Variants in TMEM130 observed in about 807,000 individuals in gnomAD.
TMEM130 encodes the protein transmembrane protein 130.
A neutral mutation model predicts 42.9 loss-of-function variants in TMEM130; 37 were observed. That is an observed-to-expected ratio of 0.86 (90% CI 0.66 to 1.13). The LOEUF is 1.13. TMEM130 is among the 50% of genes most tolerant of loss of function. TMEM130 has a pLI of 0.00. For missense variants in TMEM130, 545 were observed against 562.6 expected (o/e 0.97, Z 0.32); for synonymous variants, 259 against 237.7 (o/e 1.09, Z -0.82).
At chr7:98,857,250 G>C (rs1185773845) in intron 3 of TMEM130, among the ~76,000 whole-genome samples, 1 of 152,132 alleles carries the variant, frequency 6.6e-6, no homozygotes, top group East Asian at 1.9e-4. Flanking sequence ...TCCTAAGTAA[G>C]TTAGAACTTT....
chr7:98,854,664 G>A (rs2116084297), intron 5 of TMEM130, among the ~76,000 whole-genome samples: 1 of 152,328 alleles, frequency 6.6e-6, no homozygotes, highest in East Asian at 1.9e-4. Context: ...TTAAGCCCAG[G>A]AGGTCAAGGC....
intron 5 of TMEM130, among the ~76,000 whole-genome samples, chr7:98,854,198 C>T (rs1477322476): frequency 3.3e-5 from 5 of 151,958 alleles, no homozygotes; most frequent in East Asian, 3.9e-4. Flanking sequence ...TCACAGCACC[C>T]GGCCTCAGAA....
In TMEM130 at chr7:98,847,869, G is replaced by C; in HGVS notation, c.*187C>G. The C allele has an allele frequency of 1.7e-6, 1 of 592,242 alleles. No homozygotes were observed. The highest frequency in any genetic ancestry group is 3.0e-6 in the Non-Finnish European group (1 of 335,570). 36.7% of individuals were successfully genotyped at this position (592,242 alleles called of 1,614,324 possible). On this transcript the variant is annotated 3_prime_UTR_variant, in exon 8 of 8. Transcript: ENST00000339375. ...GGCTGGACTGTACAGATGGGTGAATGGCTGGGGTCAGGGGTGACAGAGAGG... is the reference window on the plus strand; with the variant it reads ...GGCTGGACTGTACAGATGGGTGAATCGCTGGGGTCAGGGGTGACAGAGAGG...
chr7:98,865,400 G>C (rs1228231962), intron 1 of TMEM130, among the ~76,000 whole-genome samples: 2 of 152,138 alleles, frequency 1.3e-5, no homozygotes, highest in African/African-American at 4.8e-5. Context: ...CTGAGGTCAG[G>C]AGTTCCAGAT....
At position 98,869,502 on chromosome 7, in the gene TMEM130, CGCGCGGTTTCCAGGG is replaced by C; in HGVS notation, c.85+260_85+274del. 1.4e-6 allele frequency: 1 copy of C among 736,274 alleles called. No homozygotes were observed. Among genetic ancestry groups the C allele is most frequent in the Non-Finnish European group, 1.7e-6 (1 of 602,036 alleles). The allele number at this position is 736,274 out of a possible 1,614,324, so 45.6% of individuals were successfully genotyped here. ...CATCGACGGATGCGCCGGCCACCCC[CGCGCGGTTTCCAGGG>C]CAGGGCCAGCCTGGGGGGGTGGAAG... On this transcript the variant is annotated intron_variant, in intron 1 of 7. Coordinates refer to ENST00000339375, the MANE Select transcript of TMEM130 (RefSeq NM_152913.3). The surrounding 1 kb of genome is among the most constrained non-coding windows in gnomAD (Gnocchi z 4.7).
intron 5 of TMEM130, among the ~76,000 whole-genome samples, chr7:98,852,664 C>T (rs1317307483): frequency 4.0e-5 from 6 of 151,870 alleles, no homozygotes; most frequent in South Asian, 2.1e-4. Flanking sequence ...GTGCGATCTC[C>T]GCTCACTGCA....
At position 98,869,441 on chromosome 7, in the gene TMEM130, G is replaced by T; in HGVS notation, c.85+336C>A. 2 of 1,218,208 alleles carry T rather than the reference G, an allele frequency of 1.6e-6. No individual in the cohort carries two copies. The highest frequency in any genetic ancestry group is 1.7e-5 in the South Asian group (1 of 60,096). The allele number at this position is 1,218,208 out of a possible 1,614,324, so 75.5% of individuals were successfully genotyped here. On this transcript the variant is annotated intron_variant, in intron 1 of 7. Coordinates refer to ENST00000339375, the MANE Select transcript of TMEM130 (RefSeq NM_152913.3). This position sits in a 1 kb window ranked among gnomAD's most constrained non-coding sequence, Gnocchi z 4.7. ...TGGCGCATCCCCGCCTCCCTGCCTC[G>T]TCCTCCCCTCCCTTAGCGGGTGCAT... is the stretch of plus-strand genomic sequence containing the variant.
In TMEM130 at chr7:98,869,512, C is replaced by A. The variant is rs955136837; in HGVS notation, c.85+265G>T. Among the ~76,000 whole-genome samples the A allele has an allele frequency of 6.6e-6, 1 of 152,220 alleles. No homozygotes were observed. The highest frequency in any genetic ancestry group is 1.5e-5 in the Non-Finnish European group (1 of 68,032). ...TGCGCCGGCCACCCCCGCGCGGTTT[C>A]CAGGGCAGGGCCAGCCTGGGGGGGT... is the stretch of plus-strand genomic sequence containing the variant. On this transcript the variant is annotated intron_variant, in intron 1 of 7. Coordinates refer to ENST00000339375, the MANE Select transcript of TMEM130 (RefSeq NM_152913.3). This position sits in a 1 kb window ranked among gnomAD's most constrained non-coding sequence, Gnocchi z 4.7.
chr7:98,862,047 C>T (rs1307049115), intron 2 of TMEM130, among the ~76,000 whole-genome samples: 1 of 152,108 alleles, frequency 6.6e-6, no homozygotes, highest in African/African-American at 2.4e-5. Context: ...TTATATTTAG[C>T]CAATCTCCTC....
At chr7:98,852,709 C>G (rs1794539979) in intron 5 of TMEM130, among the ~76,000 whole-genome samples, 1 of 152,138 alleles carries the variant, frequency 6.6e-6, no homozygotes, top group Non-Finnish European at 1.5e-5. Flanking sequence ...AGTCTTCCAC[C>G]TCAGCCTCCC....
Position 98,847,360 on chromosome 7 carries a change from G to A in TMEM130, c.*696C>T, listed in dbSNP as rs1554397443. On this transcript the variant is annotated 3_prime_UTR_variant, in exon 8 of 8. Coordinates refer to ENST00000339375, the MANE Select transcript of TMEM130 (RefSeq NM_152913.3). Reference sequence around the variant, plus strand: ...GAACTGCAGAGACAAAGCACAAAGGGAGGGCCCGGGCCCAGAACCTGTCAG... The same window carrying A: ...GAACTGCAGAGACAAAGCACAAAGGAAGGGCCCGGGCCCAGAACCTGTCAG... 2 of 152,262 alleles carry A rather than the reference G, an allele frequency of 1.3e-5. No homozygotes were observed. The allele number at this position is 152,262 out of a possible 1,614,324, so 9.4% of individuals were successfully genotyped here.
chr7:98,863,627 C>T (rs1480948576), intron 1 of TMEM130, among the ~76,000 whole-genome samples: 1 of 145,018 alleles, frequency 6.9e-6, no homozygotes, highest in African/African-American at 2.7e-5. Context: ...CCTTCCTTCC[C>T]TCCCTCCCTC....
At chr7:98,860,874 C>T (rs781949300) in intron 2 of TMEM130, among the ~76,000 whole-genome samples, 26 of 133,828 alleles carry the variant, frequency 1.9e-4, no homozygotes, top group Middle Eastern at 4.7e-3. Context: ...ACCTGGGAGG[C>T]GGAGGTTGCA....
At chr7:98,852,240 G>T (rs1205556300) in intron 5 of TMEM130, among the ~76,000 whole-genome samples, 1 of 151,294 alleles carries the variant, frequency 6.6e-6, no homozygotes, top group Non-Finnish European at 1.5e-5. Context: ...TCCCGGGTTC[G>T]AGCCTCAGCC....
At position 98,869,336 on chromosome 7, in the gene TMEM130, G is replaced by A. The variant is rs1584249006; in HGVS notation, c.85+441C>T. ...AACACGGTGGGAAACCCCTCTAGAT[G>A]AGGCGACATTTTAAGGCAAAAACGT... On this transcript the variant is annotated intron_variant, in intron 1 of 7. Coordinates refer to ENST00000339375, the MANE Select transcript of TMEM130 (RefSeq NM_152913.3). This position sits in a 1 kb window ranked among gnomAD's most constrained non-coding sequence, Gnocchi z 4.7. The A allele has an allele frequency of 1.6e-6, 2 of 1,250,190 alleles. No individual in the cohort carries two copies. The highest frequency in any genetic ancestry group is 1.0e-6 in the Non-Finnish European group (1 of 973,026). The allele number at this position is 1,250,190 out of a possible 1,614,324, so 77.4% of individuals were successfully genotyped here. A position where few individuals can be genotyped will look rare whatever the true frequency, so the allele number is the denominator to read the frequency against.
chr7:98,853,206 A>C (rs1175665216), intron 5 of TMEM130, among the ~76,000 whole-genome samples: 1 of 152,042 alleles, frequency 6.6e-6, no homozygotes, highest in Admixed American at 6.6e-5. Context: ...CTGCCTCCAA[A>C]GCCCCGTGAA....
At position 98,851,504 on chromosome 7, in the gene TMEM130, G is replaced by A; in HGVS notation, c.923C>T (p.Pro308Leu). 1 of 1,614,128 alleles carries A rather than the reference G, an allele frequency of 6.2e-7. No individual in the cohort carries two copies. The highest frequency in any genetic ancestry group is 8.5e-7 in the Non-Finnish European group (1 of 1,180,036). ...AYNLTHTFRD[P>L]GDYCFSIRAE... ...CCGGATGCTGAAGCAGTAGTCCCCA[G>A]GGTCCCTGAAGGTGTGGGTCAGGTT... The change falls in exon 6 of 8, where the codon CCT becomes CTT. Residue 308 changes from proline to leucine, a missense_variant. Physicochemically the swap from Pro to Leu is moderately conservative, Grantham distance 98. Transcript: ENST00000339375.
chr7:98,856,224 C>A (rs372402427), intron 3 of TMEM130, 41 bp from the exon 4 acceptor site: 3 of 1,592,468 alleles, frequency 1.9e-6, no homozygotes, highest in Non-Finnish European at 2.6e-6. Context: ...AGACAGCAGA[C>A]GGTTGCTTCC....
intron 3 of TMEM130, among the ~76,000 whole-genome samples, chr7:98,857,050 T>A (rs1794650406): frequency 6.6e-6 from 1 of 151,976 alleles, no homozygotes; most frequent in Admixed American, 6.6e-5. Flanking sequence ...GCCTCCCGAG[T>A]AGCTGGGACT....
Sources: allele counts gnomAD v4.1 joint callset (sites outside exome capture counted in the v4.1 genomes callset), GRCh38; gene constraint gnomAD v4.1.1; non-coding constraint Gnocchi (gnomAD v3.1); transcripts MANE v1.5; gene names NCBI Gene and HGNC (gene_info 2026-07-23, HGNC 2026-07-21).